NEGR1: variants seen among roughly 807,000 people sequenced by gnomAD.
NEGR1 encodes neuronal growth regulator 1.
In NEGR1, 10 loss-of-function variants were observed where a neutral mutation model predicts 40.9. The ratio of observed to expected loss-of-function variants is 0.24; its 90% CI spans 0.15 to 0.42. NEGR1 has a LOEUF of 0.42. Among genes scored for constraint, NEGR1 ranks in the 10% least tolerant of loss-of-function variants. The pLI is 1.00. For missense variants in NEGR1, 352 were observed against 438.9 expected (o/e 0.80, Z 1.77); for synonymous variants, 185 against 166.8 (o/e 1.11, Z -0.84).
intron 3 of NEGR1, among the ~76,000 whole-genome samples, chr1:71,715,045 A>C (rs939776814): frequency 3.3e-5 from 5 of 152,182 alleles, no homozygotes; most frequent in Non-Finnish European, 7.3e-5. Flanking sequence ...AGGGGTTTCC[A>C]TATATCCTCT....
chr1:72,019,562 A>G (rs1258194220), intron 1 of NEGR1, among the ~76,000 whole-genome samples: 1 of 152,236 alleles, frequency 6.6e-6, no homozygotes, highest in Non-Finnish European at 1.5e-5. Context: ...ACCCTTGATC[A>G]GATCAATGAA....
At chr1:72,271,678 G>C (rs1655848200) in intron 1 of NEGR1, among the ~76,000 whole-genome samples, 1 of 151,828 alleles carries the variant, frequency 6.6e-6, no homozygotes, top group African/African-American at 2.4e-5. Flanking sequence ...ATCATGGAAA[G>C]GTTATATGGT....
At chr1:72,270,390 G>A (rs1033546112) in intron 1 of NEGR1, among the ~76,000 whole-genome samples, 17 of 151,848 alleles carry the variant, frequency 1.1e-4, no homozygotes, top group Admixed American at 2.0e-4. Flanking sequence ...GGCAACAATG[G>A]CAATGTATAG....
At chr1:72,224,889 A>C (rs1044405868) in intron 1 of NEGR1, among the ~76,000 whole-genome samples, 1 of 152,078 alleles carries the variant, frequency 6.6e-6, no homozygotes, top group Non-Finnish European at 1.5e-5. Flanking sequence ...CATAATTCTT[A>C]TAATTATTAA....
At chr1:71,743,051 T>G (rs1277969738) in intron 3 of NEGR1, among the ~76,000 whole-genome samples, 1 of 152,136 alleles carries the variant, frequency 6.6e-6, no homozygotes, top group African/African-American at 2.4e-5. Flanking sequence ...TAAGACGACA[T>G]CCATCTGCAA....
chr1:72,086,100 T>C (rs912260547), intron 1 of NEGR1, among the ~76,000 whole-genome samples: 1 of 151,878 alleles, frequency 6.6e-6, no homozygotes, highest in South Asian at 2.1e-4. Flanking sequence ...TAATTTATCA[T>C]AAATCACCTA....
intron 2 of NEGR1, among the ~76,000 whole-genome samples, chr1:71,887,925 T>C (rs1292702055): frequency 6.6e-6 from 1 of 151,864 alleles, no homozygotes; most frequent in African/African-American, 2.4e-5. Context: ...TGCATGTCTT[T>C]TATTCCTACA....
intron 2 of NEGR1, among the ~76,000 whole-genome samples, chr1:71,867,680 T>A (rs1660158818): frequency 6.6e-6 from 1 of 152,136 alleles, no homozygotes; most frequent in African/African-American, 2.4e-5. Context: ...ATTTGACCAA[T>A]ATCAGAAATG....
At chr1:71,609,508 C>A (rs1009667245) in intron 5 of NEGR1, among the ~76,000 whole-genome samples, 11 of 45,302 alleles carry the variant, frequency 2.4e-4, no homozygotes, top group African/African-American at 7.2e-4. Context: ...AACCAAGACT[C>A]CGTCTCAAAA....
At chr1:71,718,216 T>A (rs1654341228) in intron 3 of NEGR1, among the ~76,000 whole-genome samples, 1 of 152,188 alleles carries the variant, frequency 6.6e-6, no homozygotes, top group Non-Finnish European at 1.5e-5. Context: ...TGGTGGGAAG[T>A]ATTTTTATTA....
intron 6 of NEGR1, among the ~76,000 whole-genome samples, chr1:71,559,847 A>G (rs74638949): frequency 6.6e-6 from 1 of 150,458 alleles, no homozygotes; most frequent in Non-Finnish European, 1.5e-5. Flanking sequence ...AAAAAAAAAA[A>G]AATCTTCAGG....
At chr1:71,834,886 A>AACACACACACAC (rs1330229060) in intron 2 of NEGR1, among the ~76,000 whole-genome samples, 1 of 78,168 alleles carries the variant, frequency 1.3e-5, no homozygotes, top group African/African-American at 7.0e-5. Flanking sequence ...ATTTTAGGAG[A>AACACACACACAC]TCACACACAC....
rs960055506 is a variant in NEGR1 at position 72,110,176 on chromosome 1, C to G, written c.176+172143G>C. Among the ~76,000 whole-genome samples, 4 of 134,308 alleles carry G rather than the reference C, an allele frequency of 3.0e-5. No individual in the cohort carries two copies. In the East Asian group the frequency reaches 6.6e-4, roughly 22 times the overall value. 88.1% of individuals were successfully genotyped at this position (134,308 alleles called of 152,430 possible). A position where few individuals can be genotyped will look rare whatever the true frequency, so the allele number is the denominator to read the frequency against. ...ATTTCCACCAGCAATGCATATGTAA[C>G]TAACTTGCACAATGTGCACATGTAC... On this transcript the variant is annotated intron_variant, in intron 1 of 6. Transcript: ENST00000357731.
chr1:71,949,135 C>T (rs1646046988), intron 1 of NEGR1, among the ~76,000 whole-genome samples: 2 of 152,104 alleles, frequency 1.3e-5, no homozygotes, highest in Non-Finnish European at 2.9e-5. Context: ...CTAAATTTTT[C>T]TCAACCTTCA....
At chr1:72,091,465 C>A (rs12742474) in intron 1 of NEGR1, among the ~76,000 whole-genome samples, 1 of 149,260 alleles carries the variant, frequency 6.7e-6, no homozygotes, top group Non-Finnish European at 1.5e-5. Flanking sequence ...AACTCCCTCC[C>A]TCCCTTCCTT....
chr1:71,420,385 T>C (rs554237389), intron 6 of NEGR1, among the ~76,000 whole-genome samples: 1 of 152,186 alleles, frequency 6.6e-6, no homozygotes, highest in East Asian at 1.9e-4. Flanking sequence ...CATTATTTAT[T>C]CAACAAGTGC....
At chr1:71,492,991 A>G (rs1225119877) in intron 6 of NEGR1, among the ~76,000 whole-genome samples, 1 of 152,122 alleles carries the variant, frequency 6.6e-6, no homozygotes, top group Non-Finnish European at 1.5e-5. Flanking sequence ...GCTGTTGCAC[A>G]GTTAGCTTAG....
At chr1:72,009,705 G>A (rs1299594473) in intron 1 of NEGR1, among the ~76,000 whole-genome samples, 1 of 152,068 alleles carries the variant, frequency 6.6e-6, no homozygotes, top group African/African-American at 2.4e-5. Context: ...ATAGGCAACT[G>A]TTTTGTGTCT....
intron 1 of NEGR1, among the ~76,000 whole-genome samples, chr1:72,022,482 T>C (rs1646769855): frequency 6.7e-6 from 1 of 149,434 alleles, no homozygotes; most frequent in South Asian, 2.1e-4. Flanking sequence ...AAAAGCATAG[T>C]AAACCAATAA....
Sources: allele counts gnomAD v4.1 joint callset (sites outside exome capture counted in the v4.1 genomes callset), GRCh38; gene constraint gnomAD v4.1.1; transcripts MANE v1.5; gene names NCBI Gene and HGNC (gene_info 2026-07-23, HGNC 2026-07-21).